TTC23: variants seen among roughly 807,000 people sequenced by gnomAD.
TTC23 encodes tetratricopeptide repeat domain 23.
Under a neutral mutation model 55.1 loss-of-function variants are expected in TTC23, and 58 were observed. That is an observed-to-expected ratio of 1.05 (90% CI 0.85 to 1.31). The LOEUF is 1.31. TTC23 is among the 50% of genes most tolerant of loss of function. The pLI, the probability that TTC23 is intolerant of heterozygous loss-of-function variation, is 0.00. For missense variants in TTC23, 516 were observed against 534.4 expected (o/e 0.97, Z 0.34); for synonymous variants, 203 against 199.9 (o/e 1.02, Z -0.13).
At chr15:99,147,564 TG>T (rs1296321995) in intron 12 of TTC23, among the ~76,000 whole-genome samples, 15 of 152,292 alleles carry the variant, frequency 9.8e-5, no homozygotes, top group African/African-American at 3.4e-4. Context: ...TGAATGACCA[TG>T]ACCCCTTTAA....
rs2077710688 is a variant in TTC23, at chr15:99,219,165, T to TG, written c.305-118dup. The TG allele has an allele frequency of 6.0e-6, 7 of 1,170,894 alleles. No homozygotes were observed. The South Asian group carries it at 1.1e-4, about 19-fold the overall frequency. The allele number at this position is 1,170,894 out of a possible 1,614,324, so 72.5% of individuals were successfully genotyped here. A position where few individuals can be genotyped will look rare whatever the true frequency, so the allele number is the denominator to read the frequency against. ...CCTTCACATATTGTCAAATGACACA[T>TG]GGAGACGTATCTGGGCAGCATGAAA... On this transcript the variant is annotated intron_variant, in intron 6 of 13. Transcript: ENST00000394132.
chr15:99,138,031 C>T lies in TTC23; in HGVS notation c.1323G>A (p.Arg441=). 1 of 1,614,092 alleles carries T rather than the reference C, an allele frequency of 6.2e-7. No individual in the cohort carries two copies. Among genetic ancestry groups the T allele is most frequent in the Non-Finnish European group, 8.5e-7 (1 of 1,180,002 alleles). ...IPQDTLLGKA[R]PGTTAD ...GGCCTCAGTCTGCTGTTGTGCCGGG[C>T]CGGGCCTTCCCCAGCAGGGTGTCCT... Residue 441 remains arginine, a synonymous_variant, in exon 14 of 14, where the codon CGG becomes CGA. Coordinates refer to ENST00000394132, the MANE Select transcript of TTC23 (RefSeq NM_001288615.3).
chr15:99,175,082 G>A lies in TTC23; in HGVS notation c.833C>T (p.Ala278Val). ...CTCGTGTCTCCCTGAAGCGACAGCAGCATGGGCGACGATGTGTGCCGAGTC... is the reference window on the plus strand; with the variant it reads ...CTCGTGTCTCCCTGAAGCGACAGCAACATGGGCGACGATGTGTGCCGAGTC... ...AADSAHIVAHAAVASGRHEHH... is the reference protein window; with the variant it reads ...AADSAHIVAHVAVASGRHEHH... The change falls in exon 10 of 14, where the codon GCT becomes GTT. Residue 278 changes from alanine to valine, a missense_variant. Coordinates refer to ENST00000394132, the MANE Select transcript of TTC23 (RefSeq NM_001288615.3). 6.2e-7 allele frequency: 1 copy of A among 1,614,198 alleles called. No individual in the cohort carries two copies. Among genetic ancestry groups the A allele is most frequent in the South Asian group, 1.1e-5 (1 of 91,074 alleles).
Position 99,214,852 on chromosome 15 carries a change from CTTTTTTTTTT to C in TTC23, c.581+3726_581+3735del, listed in dbSNP as rs777804106. On this transcript the variant is annotated intron_variant, in intron 8 of 13. Coordinates refer to ENST00000394132, the MANE Select transcript of TTC23 (RefSeq NM_001288615.3). ...GTTTCCTGCCCATCTTTCTTTTCTC[CTTTTTTTTTT>C]TTTTTTTTTTGAGATGGAGTTTCTC... Among the ~76,000 whole-genome samples, 34 of 99,876 alleles carry C rather than the reference CTTTTTTTTTT, an allele frequency of 3.4e-4. 1 individual carries two copies. Among genetic ancestry groups the C allele is most frequent in the Non-Finnish European group, 1.7e-4 (9 of 52,684 alleles). 65.5% of individuals were successfully genotyped at this position (99,876 alleles called of 152,430 possible).
At chr15:99,187,965 A>G in intron 9 of TTC23, among the ~76,000 whole-genome samples, 1 of 152,082 alleles carries the variant, frequency 6.6e-6, no homozygotes, top group East Asian at 1.9e-4. Context: ...TAGAGTTACC[A>G]TATGATTCAG....
chr15:99,139,658 G>C, intron 12 of TTC23: 3 of 1,440,578 alleles, frequency 2.1e-6, no homozygotes, highest in Non-Finnish European at 2.8e-6. Context: ...TTTAAAAGTA[G>C]TATTTTTAAA....
At chr15:99,166,626 G>C (rs2072138368) in intron 10 of TTC23, among the ~76,000 whole-genome samples, 1 of 152,224 alleles carries the variant, frequency 6.6e-6, no homozygotes, top group Non-Finnish European at 1.5e-5. Context: ...TGGGCAGACG[G>C]AGATGGGCCC....
At chr15:99,221,595 C>T (rs1303610986) in intron 6 of TTC23, 146 bp downstream of exon 6, 1 of 1,003,746 alleles carries the variant, frequency 1.0e-6, no homozygotes, top group African/African-American at 1.6e-5. Context: ...TATACCTTAT[C>T]AACTCTTTCT....
chr15:99,157,070 A>G (rs1440943873), intron 11 of TTC23, among the ~76,000 whole-genome samples: 1 of 151,528 alleles, frequency 6.6e-6, no homozygotes, highest in Non-Finnish European at 1.5e-5. Flanking sequence ...AAACTTGCTC[A>G]GAGTCAGAGG....
At chr15:99,138,170 C>T (rs781996326) in intron 13 of TTC23, 43 bp from the exon 14 acceptor site, 1 of 1,603,736 alleles carries the variant, frequency 6.2e-7, no homozygotes, top group Non-Finnish European at 8.5e-7. Context: ...TGCCCCTCAG[C>T]CCCCCACACC....
chr15:99,243,751 T>C (rs1271957077), intron 2 of TTC23, among the ~76,000 whole-genome samples: 7 of 152,166 alleles, frequency 4.6e-5, no homozygotes, highest in Non-Finnish European at 1.0e-4. Context: ...TCTCACTCAT[T>C]TATGAGAGCT....
intron 4 of TTC23, among the ~76,000 whole-genome samples, chr15:99,233,625 C>T (rs1037588465): frequency 1.3e-5 from 2 of 152,132 alleles, no homozygotes; most frequent in Admixed American, 6.5e-5. Flanking sequence ...GAAAAACCTA[C>T]AGCTAACATC....
chr15:99,201,040 G>A (rs1298103574), intron 8 of TTC23, among the ~76,000 whole-genome samples: 4 of 152,228 alleles, frequency 2.6e-5, no homozygotes, highest in Non-Finnish European at 5.9e-5. Flanking sequence ...CATATGCACA[G>A]AAAGATGGCA....
At chr15:99,250,935 C>A (rs1342772215), upstream of TTC23, among the ~76,000 whole-genome samples, 1 of 152,186 alleles carries the variant, frequency 6.6e-6, no homozygotes, top group Non-Finnish European at 1.5e-5. Flanking sequence ...TGTTTTTCAA[C>A]GGTCAGACTG....
intron 5 of TTC23, among the ~76,000 whole-genome samples, chr15:99,225,306 A>T (rs536380056): frequency 5.3e-5 from 8 of 152,318 alleles, no homozygotes; most frequent in Middle Eastern, 3.4e-3. Flanking sequence ...AATAGGCATC[A>T]GTAAGGGGCA....
chr15:99,144,848 T>G (rs2068643753), intron 12 of TTC23: 1 of 152,208 alleles, frequency 6.6e-6, no homozygotes, highest in East Asian at 1.9e-4. Context: ...CATTATCCAA[T>G]GCCAGATTAC....
chr15:99,237,060 C>A (rs1395381442), intron 3 of TTC23, among the ~76,000 whole-genome samples: 1 of 151,514 alleles, frequency 6.6e-6, no homozygotes, highest in Non-Finnish European at 1.5e-5. Context: ...TGGCTCACTG[C>A]AACCTTCGCC....
chr15:99,186,823 T>C (rs1372859059), intron 9 of TTC23, among the ~76,000 whole-genome samples: 2 of 152,114 alleles, frequency 1.3e-5, no homozygotes, highest in African/African-American at 4.8e-5. Flanking sequence ...TAAATAGATA[T>C]CCCATGTTCA....
chr15:99,156,217 T>C lies in TTC23; in HGVS notation c.1074A>G (p.Thr358=), dbSNP rs571528664. 8.1e-6 allele frequency: 13 copies of C among 1,614,258 alleles called. No homozygotes were observed. The highest frequency in any genetic ancestry group is 8.0e-5 in the African/African-American group (6 of 75,076). ...GGTCTGCTCCTCCCAGGAGCCGGTATGTCTCTGCCACCTCGGGACTGAAAT... is the reference window on the plus strand; with the variant it reads ...GGTCTGCTCCTCCCAGGAGCCGGTACGTCTCTGCCACCTCGGGACTGAAAT... ...FGDFSPEVAE[T]YRLLGGADLA... The change falls in exon 12 of 14, where the codon ACA becomes ACG. Residue 358 remains threonine (T), a synonymous_variant. Coordinates refer to ENST00000394132, the MANE Select transcript of TTC23 (RefSeq NM_001288615.3).
Sources: gnomAD v4.1 joint callset for allele counts (sites outside exome capture counted in the v4.1 genomes callset) on GRCh38, gnomAD v4.1.1 for gene constraint, MANE v1.5 for transcripts, NCBI Gene and HGNC (gene_info 2026-07-23, HGNC 2026-07-21) for gene names.